PPARG: variants seen among roughly 807,000 people sequenced by gnomAD.
PPARG encodes the protein peroxisome proliferator activated receptor gamma, also known as peroxisome proliferator-activated receptor gamma.
Under a neutral mutation model 39.2 loss-of-function variants are expected in PPARG, and 17 were observed. The observed-to-expected ratio is 0.43, with a 90% CI of 0.30 to 0.65. The LOEUF (loss-of-function observed/expected upper bound fraction) is 0.65, where lower values mean the gene tolerates loss of function less well. Ranked by LOEUF, PPARG falls within the 30% of genes least tolerant of loss-of-function variation. The probability of loss-of-function intolerance (pLI) is 0.13; values close to 1 mark genes in which losing one functional copy is unlikely to be tolerated. For missense variants in PPARG, 406 were observed against 585.9 expected (o/e 0.69, Z 3.17); for synonymous variants, 223 against 215.7 (o/e 1.03, Z -0.30).
chr3:12,390,197 A>G (rs917773411), intron 4 of PPARG, among the ~76,000 whole-genome samples: 2 of 152,230 alleles, frequency 1.3e-5, no homozygotes, highest in Non-Finnish European at 1.5e-5. Flanking sequence ...AATGTGGAAG[A>G]GACTACAATT....
At chr3:12,420,556 C>G (rs1471290186) in intron 7 of PPARG, among the ~76,000 whole-genome samples, 1 of 152,208 alleles carries the variant, frequency 6.6e-6, no homozygotes, top group Non-Finnish European at 1.5e-5. Flanking sequence ...AAGAACTTCA[C>G]TTCAGCAAAG....
At chr3:12,353,480 AG>A (rs2048555647) in intron 2 of PPARG, among the ~76,000 whole-genome samples, 5 of 152,218 alleles carry the variant, frequency 3.3e-5, no homozygotes, top group Admixed American at 3.3e-4. Flanking sequence ...AGGCCAGCAG[AG>A]TTGAACACTG....
At chr3:12,384,646 A>G (rs2049807122) in intron 4 of PPARG, among the ~76,000 whole-genome samples, 1 of 152,150 alleles carries the variant, frequency 6.6e-6, no homozygotes. Context: ...AGCAGTTCCC[A>G]AAGTGTGGTC....
intron 5 of PPARG, among the ~76,000 whole-genome samples, chr3:12,402,161 A>C (rs978153608): frequency 1.3e-5 from 2 of 152,210 alleles, no homozygotes; most frequent in Non-Finnish European, 2.9e-5. Flanking sequence ...TGCCTGGCGC[A>C]CAATAGTCAT....
At chr3:12,363,320 A>G (rs991090556) in intron 2 of PPARG, among the ~76,000 whole-genome samples, 2 of 152,242 alleles carry the variant, frequency 1.3e-5, no homozygotes, top group African/African-American at 4.8e-5. Context: ...AAGATACTAT[A>G]TGGTATAACT....
intron 7 of PPARG, among the ~76,000 whole-genome samples, chr3:12,430,714 T>A (rs1288949781): frequency 6.6e-6 from 1 of 151,956 alleles, no homozygotes; most frequent in Non-Finnish European, 1.5e-5. Context: ...AGAAAGGAGA[T>A]GAGATGAACA....
intron 2 of PPARG, among the ~76,000 whole-genome samples, chr3:12,373,920 G>T (rs2049312023): frequency 1.3e-5 from 2 of 152,170 alleles, no homozygotes; most frequent in Admixed American, 1.3e-4. Context: ...GCATGAAGAG[G>T]TGAGGAGTAG....
intron 4 of PPARG, among the ~76,000 whole-genome samples, chr3:12,384,123 G>A (rs181073372): frequency 1.4e-3 from 209 of 152,114 alleles, no homozygotes; most frequent in African/African-American, 4.8e-3. Context: ...ACATCTACAC[G>A]TTTTAAAGGT....
intron 2 of PPARG, among the ~76,000 whole-genome samples, chr3:12,323,760 TAA>T (rs1175869591): frequency 7.3e-6 from 1 of 137,858 alleles, no homozygotes; most frequent in African/African-American, 2.6e-5. Flanking sequence ...TCAAGAAGAA[TAA>T]AAAAAAAAAG....
At position 12,406,226 on chromosome 3, in the gene PPARG, C is replaced by A. The variant is rs185537753; in HGVS notation, c.729+145C>A. 15 of 839,184 alleles carry A rather than the reference C, an allele frequency of 1.8e-5. 1 individual carries two copies. In the Admixed American group the frequency reaches 2.9e-4, roughly 16 times the overall value. 52.0% of individuals were successfully genotyped at this position (839,184 alleles called of 1,614,324 possible). ...GCTGTTAACATATTGCAGGCTGAGT[C>A]TGAAACGCAGGAAGTGTTTTCAGAT... On this transcript the variant is annotated intron_variant, in intron 6 of 7. Coordinates refer to ENST00000651735, the MANE Select transcript of PPARG (RefSeq NM_138711.6).
intron 2 of PPARG, among the ~76,000 whole-genome samples, chr3:12,343,103 G>A (rs991251961): frequency 6.6e-6 from 1 of 151,604 alleles, no homozygotes; most frequent in Non-Finnish European, 1.5e-5. Flanking sequence ...GTAGGTCTAA[G>A]ACACGTTTGT....
At chr3:12,412,753 A>G (rs972954522) in intron 6 of PPARG, among the ~76,000 whole-genome samples, 2 of 152,176 alleles carry the variant, frequency 1.3e-5, no homozygotes, top group East Asian at 3.9e-4. Context: ...TTTTATTCTC[A>G]TAATTTGTAA....
At chr3:12,380,210 T>A (rs760217023) in intron 3 of PPARG, among the ~76,000 whole-genome samples, 1 of 152,070 alleles carries the variant, frequency 6.6e-6, no homozygotes, top group Non-Finnish European at 1.5e-5. Context: ...CTACCTTGAT[T>A]ACACTGTCAG....
intron 2 of PPARG, among the ~76,000 whole-genome samples, chr3:12,373,442 A>G (rs1224296271): frequency 6.6e-6 from 1 of 152,222 alleles, no homozygotes; most frequent in Non-Finnish European, 1.5e-5. Flanking sequence ...GTAATCAGCA[A>G]AAGAGAAAAA....
intron 1 of PPARG, among the ~76,000 whole-genome samples, chr3:12,310,458 C>CTTTTTT (rs1204347882): frequency 1.3e-4 from 9 of 69,904 alleles, no homozygotes; most frequent in South Asian, 6.8e-4. Context: ...TATTTGAGCC[C>CTTTTTT]TTTTTTTTTT....
intron 4 of PPARG, among the ~76,000 whole-genome samples, chr3:12,384,609 A>G (rs1040857681): frequency 3.9e-5 from 6 of 152,158 alleles, no homozygotes; most frequent in Non-Finnish European, 8.8e-5. Context: ...ATGAAACATT[A>G]TCATTTGGCT....
At chr3:12,376,686 G>A (rs116200836) in intron 2 of PPARG, among the ~76,000 whole-genome samples, 1,880 of 152,154 alleles carry the variant, frequency 0.012, 52 homozygotes, top group African/African-American at 0.043. Context: ...AGGATGTACC[G>A]GGCACATGGG....
intron 5 of PPARG, among the ~76,000 whole-genome samples, chr3:12,398,305 C>G (rs1229347579): frequency 6.6e-6 from 1 of 152,082 alleles, no homozygotes; most frequent in Admixed American, 6.6e-5. Flanking sequence ...AATATCAGAG[C>G]AGTGACCAAT....
chr3:12,290,262 T>G (rs1249123666), intron 1 of PPARG, among the ~76,000 whole-genome samples: 1 of 152,086 alleles, frequency 6.6e-6, no homozygotes, highest in Non-Finnish European at 1.5e-5. Context: ...TGTAAAACCA[T>G]GGCATCAGTG....
Sources: allele counts gnomAD v4.1 joint callset (sites outside exome capture counted in the v4.1 genomes callset), GRCh38; gene constraint gnomAD v4.1.1; transcripts MANE v1.5; gene names NCBI Gene and HGNC (gene_info 2026-07-23, HGNC 2026-07-21).